The following TMPRSS15 variants were observed in gnomAD, a reference collection of about 807,000 sequenced individuals.
TMPRSS15 encodes transmembrane serine protease 15.
A neutral mutation model predicts 125.3 loss-of-function variants in TMPRSS15; 128 were observed. The observed-to-expected ratio is 1.02, with a 90% CI of 0.89 to 1.18. The LOEUF (loss-of-function observed/expected upper bound fraction) is 1.18. Ranked by LOEUF, TMPRSS15 falls within the 50% of genes most tolerant of loss-of-function variation. TMPRSS15 has a pLI of 0.00. For missense variants in TMPRSS15, 1,283 were observed against 1,212.7 expected (o/e 1.06, Z -0.86); for synonymous variants, 446 against 423.2 (o/e 1.05, Z -0.66).
In TMPRSS15 at chr21:18,417,813, G is replaced by T. The variant is rs182785270; in HGVS notation, c.11-19484C>A. ...TGTTATCAGAGGCAGCAATGTGTCA[G>T]TCAAAAGGGTAGCCTACACACATAT... On this transcript the variant is annotated intron_variant, in intron 1 of 7. Transcript: ENST00000422787. Among the ~76,000 whole-genome samples the T allele has an allele frequency of 3.5e-3, 537 of 152,270 alleles. 3 individuals are homozygous for T. The highest frequency in any genetic ancestry group is 0.012 in the African/African-American group (511 of 41,550).
chr21:18,472,977 T>C (rs2123284782), intron 1 of TMPRSS15, among the ~76,000 whole-genome samples: 1 of 152,268 alleles, frequency 6.6e-6, no homozygotes, highest in Admixed American at 6.5e-5. Context: ...GATGTTATTG[T>C]TTGTATCCAG....
chr21:18,277,745 T>G (rs141608930), intron 23 of TMPRSS15, among the ~76,000 whole-genome samples: 1 of 152,216 alleles, frequency 6.6e-6, no homozygotes, highest in Non-Finnish European at 1.5e-5. Flanking sequence ...ATTTTCATCT[T>G]AAATACATTT....
At chr21:18,363,648 T>C (rs1344123698) in intron 7 of TMPRSS15, among the ~76,000 whole-genome samples, 2 of 152,270 alleles carry the variant, frequency 1.3e-5, no homozygotes, top group East Asian at 3.9e-4. Context: ...AGAGTTAATA[T>C]TTTATTTTCC....
intron 1 of TMPRSS15, among the ~76,000 whole-genome samples, chr21:18,461,459 A>G (rs1978549461): frequency 6.6e-6 from 1 of 152,108 alleles, no homozygotes; most frequent in Non-Finnish European, 1.5e-5. Context: ...TAACAACTTA[A>G]TAAAGCAGGA....
chr21:18,294,098 A>G (rs1196173957), intron 21 of TMPRSS15, among the ~76,000 whole-genome samples, 172 bp downstream of exon 21: 1 of 152,244 alleles, frequency 6.6e-6, no homozygotes, highest in Non-Finnish European at 1.5e-5. Context: ...TTTAAAATGT[A>G]TCTCTATTTT....
At chr21:18,445,946 A>T (rs1425380055) in intron 1 of TMPRSS15, among the ~76,000 whole-genome samples, 1 of 152,238 alleles carries the variant, frequency 6.6e-6, no homozygotes, top group Non-Finnish European at 1.5e-5. Flanking sequence ...TAATACTGGA[A>T]TTACTGGCCA....
At chr21:18,286,311 ATTATTTT>A (rs936140718) in intron 21 of TMPRSS15, among the ~76,000 whole-genome samples, 11 of 152,180 alleles carry the variant, frequency 7.2e-5, no homozygotes, top group Non-Finnish European at 4.4e-5. Context: ...TAACCAAGTC[ATTATTTT>A]AAATACCTAC....
chr21:18,297,885 T>A, intron 18 of TMPRSS15, 56 bp from the exon 19 acceptor site: 1 of 1,345,846 alleles, frequency 7.4e-7, no homozygotes, highest in Non-Finnish European at 1.1e-6. Flanking sequence ...GAAAAGACCA[T>A]AAGTTAGACT....
rs200310332 is a variant in TMPRSS15 at position 18,343,592 on chromosome 21, C to T, written c.1342G>A (p.Glu448Lys). 2.5e-6 allele frequency: 4 copies of T among 1,612,884 alleles called. No homozygotes were observed. Among genetic ancestry groups the T allele is most frequent in the Admixed American group, 3.3e-5 (2 of 59,978 alleles). The change falls in exon 12 of 25, where the codon GAG becomes AAG. Residue 448 changes from glutamate to lysine, a missense_variant. By Grantham distance (56) the Glu-to-Lys change is moderately conservative (BLOSUM62 1). Transcript: ENST00000284885. The part of the protein sequence containing the change: ...SINISNDQNM[E>K]KTVFQKEGNY... ...CCTTCCTTTTGGAAAACTGTCTTCT[C>T]CATATTTTGGTCATTGCTGATATTA...
intron 1 of TMPRSS15, among the ~76,000 whole-genome samples, chr21:18,412,286 C>A (rs1413164418): frequency 2.6e-5 from 4 of 152,152 alleles, no homozygotes; most frequent in Admixed American, 2.0e-4. Flanking sequence ...ATCTAATTTC[C>A]CTGCTATCAT....
intron 1 of TMPRSS15, among the ~76,000 whole-genome samples, chr21:18,466,904 A>C (rs1411643230): frequency 6.6e-6 from 1 of 152,218 alleles, no homozygotes; most frequent in African/African-American, 2.4e-5. Flanking sequence ...CAATCACATT[A>C]CTGGGTATAT....
Position 18,398,188 on chromosome 21 carries a change from C to A in TMPRSS15, c.276+11G>T. ...TGTTATAAAATTTGAAACCAGCTGT[C>A]AGTCTCCTACCATTTGCTGAAGGTC... is the stretch of plus-strand genomic sequence containing the variant. On this transcript the variant is annotated intron_variant, in intron 2 of 24. Transcript: ENST00000284885. 6 of 1,613,640 alleles carry A rather than the reference C, an allele frequency of 3.7e-6. No individual in the cohort carries two copies. The highest frequency in any genetic ancestry group is 2.2e-5 in the South Asian group (2 of 91,018).
intron 18 of TMPRSS15, among the ~76,000 whole-genome samples, chr21:18,307,901 A>G (rs1055612202): frequency 1.3e-5 from 2 of 152,334 alleles, no homozygotes; most frequent in East Asian, 1.9e-4. Context: ...TAAAATTCAC[A>G]AACCACAATA....
chr21:18,346,248 T>C (rs558339019), intron 10 of TMPRSS15, among the ~76,000 whole-genome samples: 4 of 152,314 alleles, frequency 2.6e-5, no homozygotes, highest in African/African-American at 7.2e-5. Context: ...CCACTAATTG[T>C]CCTTAAATTT....
At chr21:18,405,884 T>C (rs2076150331), upstream of TMPRSS15, among the ~76,000 whole-genome samples, 1 of 152,162 alleles carries the variant, frequency 6.6e-6, no homozygotes, top group South Asian at 2.1e-4. Flanking sequence ...TGAAGAACAT[T>C]GATAAATTTA....
At chr21:18,338,730 A>G (rs1331334700) in intron 13 of TMPRSS15, among the ~76,000 whole-genome samples, 2 of 89,880 alleles carry the variant, frequency 2.2e-5, no homozygotes, top group Non-Finnish European at 4.4e-5. Flanking sequence ...GAGAGAGATA[A>G]AGAGAGAGAA....
chr21:18,292,154 G>C (rs2074845079), intron 21 of TMPRSS15, among the ~76,000 whole-genome samples: 1 of 152,180 alleles, frequency 6.6e-6, no homozygotes, highest in Admixed American at 6.5e-5. Flanking sequence ...CAATGTCAAG[G>C]ATTGTTTTCT....
intron 1 of TMPRSS15, among the ~76,000 whole-genome samples, chr21:18,463,292 G>A (rs1012053720): frequency 3.4e-5 from 5 of 146,728 alleles, no homozygotes; most frequent in Admixed American, 6.8e-5. Context: ...GGGGTGGGGA[G>A]GGTTGCAATC....
At chr21:18,380,404 C>T (rs560082176) in intron 4 of TMPRSS15, 3 of 353,604 alleles carry the variant, frequency 8.5e-6, no homozygotes, top group African/African-American at 4.3e-5. Context: ...TATTCCTAAC[C>T]AATATAAGCT....
Sources: gnomAD v4.1 joint callset for allele counts (sites outside exome capture counted in the v4.1 genomes callset) on GRCh38, gnomAD v4.1.1 for gene constraint, MANE v1.5 for transcripts, NCBI Gene and HGNC (gene_info 2026-07-23, HGNC 2026-07-21) for gene names.